The following PPM1H variants were observed in gnomAD, a reference collection of about 807,000 sequenced individuals.
PPM1H encodes protein phosphatase 1H.
A neutral mutation model predicts 54.9 loss-of-function variants in PPM1H; 27 were observed. The ratio of observed to expected loss-of-function variants is 0.49; its 90% CI spans 0.36 to 0.68. The LOEUF is 0.68. Among genes scored for constraint, PPM1H ranks in the 30% least tolerant of loss-of-function variants. The pLI is 0.00. For missense variants in PPM1H, 596 were observed against 667.8 expected (o/e 0.89, Z 1.19); for synonymous variants, 305 against 270.8 (o/e 1.13, Z -1.24).
intron 1 of PPM1H, among the ~76,000 whole-genome samples, chr12:62,921,312 T>A (rs944895882): frequency 6.6e-6 from 1 of 152,196 alleles, no homozygotes; most frequent in Non-Finnish European, 1.5e-5. Flanking sequence ...AGGGTAAAGA[T>A]GCACCATTTT....
chr12:62,822,312 CT>C, intron 2 of PPM1H, among the ~76,000 whole-genome samples: 1 of 152,196 alleles, frequency 6.6e-6, no homozygotes, highest in East Asian at 1.9e-4. Context: ...TAATGGGAGA[CT>C]TTAACACCCC....
chr12:62,926,038 G>C (rs1331980589), intron 1 of PPM1H, among the ~76,000 whole-genome samples: 1 of 152,192 alleles, frequency 6.6e-6, no homozygotes, highest in Non-Finnish European at 1.5e-5. Flanking sequence ...ATTTTCAGGG[G>C]TGGGTCCTGG....
chr12:62,895,984 G>C (rs1186257680), intron 1 of PPM1H, among the ~76,000 whole-genome samples: 1 of 151,926 alleles, frequency 6.6e-6, no homozygotes, highest in African/African-American at 2.4e-5. Context: ...GCAAATAATA[G>C]TTTAATAAGC....
chr12:62,701,438 T>C (rs1175785069), intron 6 of PPM1H, among the ~76,000 whole-genome samples: 2 of 152,198 alleles, frequency 1.3e-5, no homozygotes, highest in African/African-American at 4.8e-5. Flanking sequence ...TTTGTGGCAA[T>C]TTTATACATC....
chr12:62,686,774 G>A (rs1461636502), intron 8 of PPM1H, among the ~76,000 whole-genome samples: 1 of 152,170 alleles, frequency 6.6e-6, no homozygotes, highest in Non-Finnish European at 1.5e-5. Flanking sequence ...CAGGAAATGT[G>A]TGTATCTTCC....
intron 4 of PPM1H, among the ~76,000 whole-genome samples, chr12:62,744,780 C>A (rs2076401283): frequency 6.6e-6 from 1 of 152,180 alleles, no homozygotes; most frequent in Non-Finnish European, 1.5e-5. Flanking sequence ...ACAGCTGCAG[C>A]CCAGGACTCA....
intron 1 of PPM1H, among the ~76,000 whole-genome samples, chr12:62,927,611 G>A (rs1003728055): frequency 2.7e-5 from 4 of 150,042 alleles, no homozygotes; most frequent in South Asian, 2.1e-4. Flanking sequence ...GCAGTAAGCC[G>A]AGATCGTACC....
chr12:62,773,450 G>A (rs895091617), intron 4 of PPM1H, among the ~76,000 whole-genome samples: 1 of 152,180 alleles, frequency 6.6e-6, no homozygotes, highest in African/African-American at 2.4e-5. Context: ...ACTCCAGCCT[G>A]GGTGACAGAC....
At chr12:62,812,803 C>A (rs557325553) in intron 2 of PPM1H, among the ~76,000 whole-genome samples, 1 of 149,410 alleles carries the variant, frequency 6.7e-6, no homozygotes, top group Admixed American at 6.8e-5. Flanking sequence ...TGAGTTCTAA[C>A]TGGAAAAGAC....
chr12:62,821,069 G>C (rs1353602436), intron 2 of PPM1H, among the ~76,000 whole-genome samples: 1 of 152,134 alleles, frequency 6.6e-6, no homozygotes, highest in Non-Finnish European at 1.5e-5. Context: ...GTGTAGAGAA[G>C]ACCTTAAATG....
intron 4 of PPM1H, among the ~76,000 whole-genome samples, chr12:62,765,500 G>C (rs186838260): frequency 3.2e-4 from 48 of 152,304 alleles, no homozygotes; most frequent in Non-Finnish European, 2.8e-4. Context: ...TTTTCAAACA[G>C]CAATACTATA....
At chr12:62,900,079 GT>G (rs1871110328) in intron 1 of PPM1H, among the ~76,000 whole-genome samples, 1 of 152,202 alleles carries the variant, frequency 6.6e-6, no homozygotes, top group Non-Finnish European at 1.5e-5. Flanking sequence ...AGAAATTTCT[GT>G]TGTTTATAAG....
intron 5 of PPM1H, among the ~76,000 whole-genome samples, chr12:62,727,643 T>TTAC (rs1555192233): frequency 7.2e-6 from 1 of 139,252 alleles, no homozygotes; most frequent in African/African-American, 2.9e-5. Flanking sequence ...GCAAATATTA[T>TTAC]TATTATTATT....
At chr12:62,680,091 TG>T (rs2136626871) in intron 8 of PPM1H, among the ~76,000 whole-genome samples, 1 of 152,332 alleles carries the variant, frequency 6.6e-6, no homozygotes, top group East Asian at 1.9e-4. Context: ...AAACATGGAC[TG>T]GCCTTAGAGA....
rs1592643606 is a variant in PPM1H, at chr12:62,866,424, T to C, written c.246-34145A>G. On this transcript the variant is annotated intron_variant, in intron 1 of 9. Coordinates refer to ENST00000228705, the MANE Select transcript of PPM1H (RefSeq NM_020700.2). ...TGGGCAAGACTTAATGACTTGCATC[T>C]AGTTTATAAAATATGGTGGCAGGAA... Among the ~76,000 whole-genome samples the C allele has an allele frequency of 3.3e-5, 5 of 152,330 alleles. 1 individual carries two copies. Among genetic ancestry groups the C allele is most frequent in the Admixed American group, 3.3e-4 (5 of 15,304 alleles).
chr12:62,730,795 T>C (rs1052540870), intron 5 of PPM1H, among the ~76,000 whole-genome samples: 2 of 152,164 alleles, frequency 1.3e-5, no homozygotes, highest in Non-Finnish European at 2.9e-5. Context: ...AAGAATGAAA[T>C]GAAATTAATA....
At chr12:62,923,209 C>G (rs1411602436) in intron 1 of PPM1H, among the ~76,000 whole-genome samples, 1 of 152,056 alleles carries the variant, frequency 6.6e-6, no homozygotes, top group Admixed American at 6.5e-5. Flanking sequence ...GGCCACTGCA[C>G]TAAAGGAAAA....
chr12:62,828,939 A>AAAC (rs1196999237), intron 2 of PPM1H, among the ~76,000 whole-genome samples: 39 of 150,646 alleles, frequency 2.6e-4, no homozygotes, highest in African/African-American at 9.5e-4. Context: ...TATTAAAAAA[A>AAAC]GAAAACAGAA....
chr12:62,779,066 C>T (rs547268542), intron 4 of PPM1H, among the ~76,000 whole-genome samples: 36 of 152,048 alleles, frequency 2.4e-4, no homozygotes, highest in African/African-American at 8.0e-4. Context: ...GAGATGAGGT[C>T]TTGCTCTGTC....
Sources: gnomAD v4.1 joint callset for allele counts (sites outside exome capture counted in the v4.1 genomes callset) on GRCh38, gnomAD v4.1.1 for gene constraint, MANE v1.5 for transcripts, NCBI Gene and HGNC (gene_info 2026-07-23, HGNC 2026-07-21) for gene names.